HPSE2: variants seen among roughly 807,000 people sequenced by gnomAD.
HPSE2 encodes the protein inactive heparanase-2.
In HPSE2, 38 loss-of-function variants were observed where a neutral mutation model predicts 60.5. That is an observed-to-expected ratio of 0.63 (90% CI 0.48 to 0.82). HPSE2 has a LOEUF of 0.82. HPSE2 is among the 40% of genes least tolerant of loss of function. HPSE2 has a pLI of 0.00. For synonymous variants in HPSE2, 295 were observed against 293.2 expected, an observed-to-expected ratio of 1.01 and a Z score of -0.06; for missense variants, 713 against 740.4, an observed-to-expected ratio of 0.96 and a Z score of 0.43.
chr10:98,647,517 T>G (rs1213150541), intron 6 of HPSE2, among the ~76,000 whole-genome samples: 1 of 152,222 alleles, frequency 6.6e-6, no homozygotes, highest in Non-Finnish European at 1.5e-5. Context: ...CCCAGCCTGC[T>G]GACTGGGCAG....
chr10:98,585,156 A>G (rs1944903611), intron 9 of HPSE2, among the ~76,000 whole-genome samples: 1 of 152,210 alleles, frequency 6.6e-6, no homozygotes, highest in African/African-American at 2.4e-5. Flanking sequence ...GATGACTTAA[A>G]TCACATAGTT....
intron 2 of HPSE2, among the ~76,000 whole-genome samples, chr10:99,175,058 C>T (rs560654101): frequency 6.6e-6 from 1 of 152,252 alleles, no homozygotes; most frequent in Admixed American, 6.5e-5. Flanking sequence ...AGGGACTGTG[C>T]CGTGAGGAAC....
chr10:99,047,374 A>C (rs1957880208), intron 3 of HPSE2, among the ~76,000 whole-genome samples: 1 of 152,228 alleles, frequency 6.6e-6, no homozygotes, highest in Non-Finnish European at 1.5e-5. Flanking sequence ...AAATCCTAGA[A>C]GAAAACCTAG....
At chr10:98,892,218 A>G (rs1452755811) in intron 3 of HPSE2, among the ~76,000 whole-genome samples, 1 of 151,992 alleles carries the variant, frequency 6.6e-6, no homozygotes, top group Non-Finnish European at 1.5e-5. Context: ...AAAGGGGGAA[A>G]AAAGAAAAAT....
intron 4 of HPSE2, among the ~76,000 whole-genome samples, chr10:98,739,038 C>G (rs1401398192): frequency 1.3e-5 from 2 of 152,156 alleles, no homozygotes; most frequent in African/African-American, 4.8e-5. Flanking sequence ...TTTATTGCAG[C>G]ACTATTCACA....
intron 3 of HPSE2, among the ~76,000 whole-genome samples, chr10:98,837,938 CTTGAT>C (rs1951829169): frequency 6.6e-6 from 1 of 150,496 alleles, no homozygotes; most frequent in Non-Finnish European, 1.5e-5. Context: ...TTGAAACAAA[CTTGAT>C]AAAATACTAA....
intron 11 of HPSE2, among the ~76,000 whole-genome samples, chr10:98,478,048 T>G (rs1008489271): frequency 1.3e-5 from 2 of 152,210 alleles, no homozygotes; most frequent in African/African-American, 2.4e-5. Flanking sequence ...CAGTCCCTGG[T>G]GCTAAAACAG....
intron 3 of HPSE2, among the ~76,000 whole-genome samples, chr10:98,866,750 C>G (rs1382687007): frequency 6.6e-6 from 1 of 151,526 alleles, no homozygotes; most frequent in African/African-American, 2.4e-5. Context: ...CAAGAAAAAA[C>G]CTGTCAACCT....
intron 3 of HPSE2, among the ~76,000 whole-genome samples, chr10:99,066,825 C>T (rs1374235994): frequency 2.6e-5 from 4 of 152,088 alleles, no homozygotes; most frequent in South Asian, 2.1e-4. Context: ...CCAATCATGC[C>T]TTCCCAACAG....
chr10:98,826,578 C>G (rs1222799045), intron 3 of HPSE2, among the ~76,000 whole-genome samples: 1 of 152,162 alleles, frequency 6.6e-6, no homozygotes, highest in African/African-American at 2.4e-5. Flanking sequence ...GACCAGGCTT[C>G]TTACAAAACT....
intron 9 of HPSE2, among the ~76,000 whole-genome samples, chr10:98,499,297 A>T (rs1941953232): frequency 6.6e-6 from 1 of 152,244 alleles, no homozygotes; most frequent in Admixed American, 6.5e-5. Flanking sequence ...GATTAACAGC[A>T]GATTTCTCAG....
chr10:98,734,112 T>C (rs1380857662), intron 4 of HPSE2, among the ~76,000 whole-genome samples: 1 of 152,214 alleles, frequency 6.6e-6, no homozygotes, highest in Admixed American at 6.5e-5. Context: ...ATACAATGTG[T>C]TGTCTTTTGT....
chr10:99,190,691 G>A (rs938498603), intron 2 of HPSE2, among the ~76,000 whole-genome samples: 2 of 152,114 alleles, frequency 1.3e-5, no homozygotes, highest in African/African-American at 2.4e-5. Context: ...TCGCCCTTCC[G>A]CCACCCATCC....
At position 98,469,669 on chromosome 10, in the gene HPSE2, T is replaced by C. The variant is rs115561422; in HGVS notation, c.1614-9930A>G. On this transcript the variant is annotated intron_variant, in intron 11 of 11. Coordinates refer to ENST00000370552, the MANE Select transcript of HPSE2 (RefSeq NM_021828.5). ...TCTGCAGTCTGGGCTTATTATGTGT[T>C]TGTGGCCTTTCCCTTTGCCCCACAA... Among the ~76,000 whole-genome samples the C allele has an allele frequency of 7.1e-3, 1,075 of 152,286 alleles. 13 individuals carry two copies. The highest frequency in any genetic ancestry group is 0.025 in the African/African-American group (1,034 of 41,554).
At chr10:98,660,356 C>T (rs1037507735) in intron 6 of HPSE2, among the ~76,000 whole-genome samples, 2 of 152,144 alleles carry the variant, frequency 1.3e-5, no homozygotes, top group Non-Finnish European at 2.9e-5. Context: ...GAAGGGACTA[C>T]ATGATCATAA....
intron 5 of HPSE2, among the ~76,000 whole-genome samples, 153 bp downstream of exon 5, chr10:98,721,504 T>C (rs78639807): frequency 0.039 from 5,883 of 152,156 alleles, 186 homozygotes; most frequent in East Asian, 0.12. Context: ...AGAATCTCTG[T>C]CTTAGAGTGG....
chr10:98,475,179 A>G (rs1212742463), intron 11 of HPSE2, among the ~76,000 whole-genome samples: 1 of 148,210 alleles, frequency 6.7e-6, no homozygotes, highest in Non-Finnish European at 1.5e-5. Context: ...GTGCAGTGGC[A>G]CGGTCTCAGC....
intron 9 of HPSE2, among the ~76,000 whole-genome samples, chr10:98,555,053 A>G (rs1943965227): frequency 6.6e-6 from 1 of 152,232 alleles, no homozygotes; most frequent in South Asian, 2.1e-4. Context: ...AAAAATAAAA[A>G]TCTATGTGCC....
At chr10:98,908,996 C>T (rs1438731924) in intron 3 of HPSE2, among the ~76,000 whole-genome samples, 3 of 152,144 alleles carry the variant, frequency 2.0e-5, no homozygotes, top group Non-Finnish European at 4.4e-5. Context: ...TGGTATAGGG[C>T]AACTCCAGGC....
Sources: gnomAD v4.1 joint callset for allele counts (sites outside exome capture counted in the v4.1 genomes callset) on GRCh38, gnomAD v4.1.1 for gene constraint, MANE v1.5 for transcripts, NCBI Gene and HGNC (gene_info 2026-07-23, HGNC 2026-07-21) for gene names.